The following CSMD1 variants were observed in gnomAD, a reference collection of about 807,000 sequenced individuals.
CSMD1 encodes CUB and sushi domain-containing protein 1.
CSMD1 carries 213 observed loss-of-function variants against 417.5 expected under a neutral mutation model. That is an observed-to-expected ratio of 0.51 (90% CI 0.46 to 0.57). CSMD1 has a LOEUF of 0.57. Ranked by LOEUF, CSMD1 falls within the 20% of genes least tolerant of loss-of-function variation. CSMD1 has a pLI of 0.00. For synonymous variants in CSMD1, 2,862 were observed against 1,736.8 expected, an observed-to-expected ratio of 1.65 and a Z score of -16.11; for missense variants, 6,923 against 4,529.7, an observed-to-expected ratio of 1.53 and a Z score of -15.17.
At chr8:3,387,007 A>T (rs1055338416) in intron 18 of CSMD1, among the ~76,000 whole-genome samples, 1 of 152,204 alleles carries the variant, frequency 6.6e-6, no homozygotes, top group East Asian at 1.9e-4. Flanking sequence ...CTGTTATCAC[A>T]AAAAGCTGCT....
At chr8:3,382,389 T>G (rs1810682859) in intron 18 of CSMD1, among the ~76,000 whole-genome samples, 1 of 145,100 alleles carries the variant, frequency 6.9e-6, no homozygotes, top group South Asian at 2.1e-4. Flanking sequence ...AGTAATTAGT[T>G]ATATATATGT....
At chr8:4,305,614 G>GT (rs780405237) in intron 3 of CSMD1, among the ~76,000 whole-genome samples, 55 of 152,134 alleles carry the variant, frequency 3.6e-4, no homozygotes, top group Non-Finnish European at 6.6e-4. Flanking sequence ...CAGAATCCAC[G>GT]TAAGACCGTT....
intron 1 of CSMD1, among the ~76,000 whole-genome samples, chr8:4,899,893 T>G (rs1219553923): frequency 6.6e-6 from 1 of 152,194 alleles, no homozygotes; most frequent in Non-Finnish European, 1.5e-5. Flanking sequence ...GCCTTTCAGC[T>G]GCTCTGTCCC....
At chr8:3,256,788 G>C (rs928379391) in intron 26 of CSMD1, among the ~76,000 whole-genome samples, 1 of 152,104 alleles carries the variant, frequency 6.6e-6, no homozygotes, top group African/African-American at 2.4e-5. Context: ...TTTAACCAAA[G>C]GCATCTTTTC....
chr8:4,904,926 T>G (rs1238834945), intron 1 of CSMD1, among the ~76,000 whole-genome samples: 1 of 152,200 alleles, frequency 6.6e-6, no homozygotes, highest in East Asian at 1.9e-4. Flanking sequence ...TGTAGAATAC[T>G]GTCCAGGGCC....
chr8:3,996,556 C>A (rs73658524), intron 5 of CSMD1, among the ~76,000 whole-genome samples: 3,821 of 152,108 alleles, frequency 0.025, 166 homozygotes, highest in African/African-American at 0.088. Flanking sequence ...CTCGGCTCAG[C>A]TTTTGCTTCC....
chr8:3,035,904 A>T (rs1435841458), intron 50 of CSMD1, among the ~76,000 whole-genome samples: 1 of 152,160 alleles, frequency 6.6e-6, no homozygotes, highest in Non-Finnish European at 1.5e-5. Context: ...TAAAGGAATA[A>T]TTTTCTTCAA....
intron 3 of CSMD1, among the ~76,000 whole-genome samples, chr8:4,395,693 CAT>C (rs1387662122): frequency 6.6e-6 from 1 of 152,032 alleles, no homozygotes; most frequent in African/African-American, 2.4e-5. Flanking sequence ...TAAACACAAA[CAT>C]GTATGATGAA....
chr8:4,461,742 T>TTA (rs764166644), intron 2 of CSMD1, among the ~76,000 whole-genome samples: 3 of 4,726 alleles, frequency 6.3e-4, no homozygotes, highest in South Asian at 0.02. Flanking sequence ...TATTTACTTA[T>TTA]TTTTTTTTTT....
intron 2 of CSMD1, among the ~76,000 whole-genome samples, chr8:4,433,890 A>G (rs1161773258): frequency 6.6e-6 from 1 of 152,194 alleles, no homozygotes; most frequent in Admixed American, 6.5e-5. Context: ...TTCTTTGACA[A>G]TCCTACAAAA....
chr8:4,158,491 G>A (rs956142678), intron 3 of CSMD1, among the ~76,000 whole-genome samples: 1 of 151,948 alleles, frequency 6.6e-6, no homozygotes, highest in Non-Finnish European at 1.5e-5. Context: ...CATCAGTATG[G>A]CAAAAGGATA....
At chr8:3,997,811 C>G in intron 5 of CSMD1, 92 bp downstream of exon 5, 1 of 1,163,914 alleles carries the variant, frequency 8.6e-7, no homozygotes, top group Non-Finnish European at 1.2e-6. Flanking sequence ...TGCCCATGAA[C>G]GTCCAGAGAC....
chr8:3,536,798 G>T (rs527596337), intron 10 of CSMD1, among the ~76,000 whole-genome samples: 2 of 152,290 alleles, frequency 1.3e-5, no homozygotes, highest in Admixed American at 1.3e-4. Flanking sequence ...TCAGCACCGG[G>T]AATGCTGTTA....
rs769444092 is a variant in CSMD1, at chr8:4,988,465, CT to C, written c.85+5866del. On this transcript the variant is annotated intron_variant, in intron 1 of 69. Transcript: ENST00000635120. ...TAACAAAAAAATATGCCTGCATGAT[CT>C]TTTTTCTTTTCATTCCCCAAAGAAA... Among the ~76,000 whole-genome samples the C allele has an allele frequency of 9.2e-4, 140 of 152,206 alleles. 2 individuals carry two copies. The highest frequency in any genetic ancestry group is 1.8e-3 in the Admixed American group (27 of 15,282).
intron 3 of CSMD1, among the ~76,000 whole-genome samples, chr8:4,303,078 C>T (rs1375305726): frequency 6.6e-6 from 1 of 152,038 alleles, no homozygotes; most frequent in Non-Finnish European, 1.5e-5. Flanking sequence ...AATGATTTTA[C>T]ACAGACAATT....
intron 5 of CSMD1, among the ~76,000 whole-genome samples, chr8:3,987,345 T>G (rs567225940): frequency 6.6e-6 from 1 of 152,212 alleles, no homozygotes; most frequent in South Asian, 2.1e-4. Flanking sequence ...GACAGCATCT[T>G]TGCAACTGCA....
At chr8:3,069,822 G>A (rs142813472) in intron 49 of CSMD1, among the ~76,000 whole-genome samples, 1 of 152,232 alleles carries the variant, frequency 6.6e-6, no homozygotes, top group African/African-American at 2.4e-5. Context: ...CACTGCCCTA[G>A]TAGAGGTTCT....
chr8:3,780,012 A>G (rs1230245181), intron 5 of CSMD1, among the ~76,000 whole-genome samples: 1 of 152,188 alleles, frequency 6.6e-6, no homozygotes, highest in African/African-American at 2.4e-5. Context: ...CTAAATACAA[A>G]CATGTTCCTG....
intron 3 of CSMD1, among the ~76,000 whole-genome samples, chr8:4,100,230 T>C (rs1273628535): frequency 6.6e-6 from 1 of 152,208 alleles, no homozygotes; most frequent in Non-Finnish European, 1.5e-5. Flanking sequence ...GTCTCTAGCA[T>C]ACAGATGGAA....
Sources: gnomAD v4.1 joint callset for allele counts (sites outside exome capture counted in the v4.1 genomes callset) on GRCh38, gnomAD v4.1.1 for gene constraint, MANE v1.5 for transcripts, NCBI Gene and HGNC (gene_info 2026-07-23, HGNC 2026-07-21) for gene names.